CCDC88C: variants seen among roughly 807,000 people sequenced by gnomAD.
The protein encoded by CCDC88C is coiled-coil and HOOK domain protein 88C, also known as protein Daple.
CCDC88C carries 131 observed loss-of-function variants against 198.8 expected under a neutral mutation model. The observed-to-expected ratio is 0.66, with a 90% confidence interval of 0.57 to 0.76. CCDC88C has a LOEUF of 0.76. Among genes scored for constraint, CCDC88C ranks in the 30% least tolerant of loss-of-function variants. The probability of loss-of-function intolerance (pLI) is 0.00; values close to 1 mark genes in which losing one functional copy is unlikely to be tolerated. For synonymous variants in CCDC88C, 1,166 were observed against 1,114.7 expected (o/e 1.05, Z -0.92); for missense variants, 2,553 against 2,631.6 (o/e 0.97, Z 0.65).
intron 23 of CCDC88C, among the ~76,000 whole-genome samples, chr14:91,293,134 C>T (rs112369443): frequency 9.3e-3 from 53 of 5,702 alleles, no homozygotes; most frequent in Admixed American, 0.017. Context: ...TTGCCACAGC[C>T]CACCTTCCCA....
chr14:91,361,052 G>T (rs927643503), intron 3 of CCDC88C, among the ~76,000 whole-genome samples: 1 of 151,190 alleles, frequency 6.6e-6, no homozygotes, highest in Admixed American at 6.6e-5. Flanking sequence ...GATTGCTTGA[G>T]CCCAGGAGTT....
At chr14:91,340,652 G>A (rs1179647327) in intron 6 of CCDC88C, among the ~76,000 whole-genome samples, 1 of 152,002 alleles carries the variant, frequency 6.6e-6, no homozygotes, top group Non-Finnish European at 1.5e-5. Context: ...GATCCATTTC[G>A]AGCTCTTCTC....
chr14:91,379,360 G>A (rs1884644911), intron 3 of CCDC88C: 1 of 154,812 alleles, frequency 6.5e-6, no homozygotes, highest in Non-Finnish European at 1.4e-5. Flanking sequence ...GAGAGGCAGA[G>A]GATGAGGTTG....
At chr14:91,290,851 G>A (rs992923459) in intron 24 of CCDC88C, 144 bp downstream of exon 24, 2 of 611,788 alleles carry the variant, frequency 3.3e-6, no homozygotes, top group Non-Finnish European at 5.9e-6. Context: ...AGGCTGGAAG[G>A]ATTCTGAACT....
chr14:91,313,902 C>G lies in CCDC88C; in HGVS notation c.1914G>C (p.Gln638His). 6.2e-7 allele frequency: 1 copy of G among 1,611,402 alleles called. No homozygotes were observed. Among genetic ancestry groups the G allele is most frequent in the Non-Finnish European group, 8.5e-7 (1 of 1,179,686 alleles). Residue 638 changes from glutamine (Q) to histidine (H), a missense_variant, in exon 15 of 30, where the codon CAG becomes CAC. By Grantham distance (24) the Gln-to-His change is conservative. Around this residue, in one of 2 missense-constraint regions of CCDC88C, gnomAD observed 1,260 missense variants for 1,412.0 expected, o/e 0.89. Coordinates refer to ENST00000389857, the MANE Select transcript of CCDC88C (RefSeq NM_001080414.4). The surrounding 1 kb of genome is among the most constrained non-coding windows in gnomAD (Gnocchi z 5.2). ...ERAEKLERELQRLQEENGRLA... is the reference protein window; with the variant it reads ...ERAEKLERELHRLQEENGRLA... ...GCCTCCCGTTCTCCTCCTGGAGTCG[C>G]TGTAGCTCCCTCTCCAGCTTCTCTG... is the stretch of plus-strand genomic sequence containing the variant.
At position 91,278,097 on chromosome 14, in the gene CCDC88C, A is replaced by AG; in HGVS notation, c.4882dup (p.Leu1628ProfsTer41). Reference sequence around the variant, plus strand: ...AGGCAAGGGGTACTCGTGGCGGCCGAGGGCGTTGCGTCCCGGTGTGCTGGC... The same window carrying AG: ...AGGCAAGGGGTACTCGTGGCGGCCGAGGGGCGTTGCGTCCCGGTGTGCTGGC... On this transcript the variant is annotated frameshift_variant, in exon 29 of 30. Transcript: ENST00000389857. LOFTEE classifies it high-confidence loss of function. The AG allele has an allele frequency of 6.2e-7, 1 of 1,612,690 alleles. No individual in the cohort carries two copies. The highest frequency in any genetic ancestry group is 8.5e-7 in the Non-Finnish European group (1 of 1,179,496).
intron 12 of CCDC88C, among the ~76,000 whole-genome samples, chr14:91,324,550 G>A (rs1039017654): frequency 6.6e-6 from 1 of 152,212 alleles, no homozygotes; most frequent in African/African-American, 2.4e-5. Flanking sequence ...TCGGAAAACT[G>A]GCAACACTTA....
chr14:91,365,440 T>C (rs1037771564), intron 3 of CCDC88C, among the ~76,000 whole-genome samples: 1 of 152,206 alleles, frequency 6.6e-6, no homozygotes. Flanking sequence ...ATGAAGCTCA[T>C]TTTCTGTTTT....
At chr14:91,362,530 T>C (rs746231119) in intron 3 of CCDC88C, among the ~76,000 whole-genome samples, 12 of 152,244 alleles carry the variant, frequency 7.9e-5, no homozygotes, top group Non-Finnish European at 1.2e-4. Flanking sequence ...GCTAGAAATA[T>C]TGCTAGAAAA....
intron 6 of CCDC88C, 65 bp from the exon 7 acceptor site, chr14:91,340,089 G>T: frequency 3.8e-6 from 6 of 1,569,266 alleles, no homozygotes; most frequent in Non-Finnish European, 5.2e-6. Context: ...CCCTCACACT[G>T]CAAACAGCAT....
In CCDC88C at chr14:91,402,295, C is replaced by A. The variant is rs562523434; in HGVS notation, c.270+6364G>T. ...TCTCAAACAGCAACAACAACAACAA[C>A]AAAAAAACACAAATTAAAAGACTTT... On this transcript the variant is annotated intron_variant, in intron 3 of 29. Transcript: ENST00000389857. Among the ~76,000 whole-genome samples the A allele has an allele frequency of 5.1e-3, 783 of 152,040 alleles. 1 individual carries two copies. The highest frequency in any genetic ancestry group is 8.1e-3 in the Non-Finnish European group (551 of 67,958).
chr14:91,411,369 T>C (rs996215659), intron 2 of CCDC88C, among the ~76,000 whole-genome samples: 1 of 152,132 alleles, frequency 6.6e-6, no homozygotes, highest in Non-Finnish European at 1.5e-5. Context: ...GCCTTCAAAG[T>C]CTATATGGTT....
intron 10 of CCDC88C, among the ~76,000 whole-genome samples, chr14:91,329,103 C>T (rs754248257): frequency 1.1e-4 from 16 of 152,212 alleles, no homozygotes; most frequent in Non-Finnish European, 2.1e-4. Context: ...ACATCACCCC[C>T]GCTCTGAACC....
intron 3 of CCDC88C, among the ~76,000 whole-genome samples, chr14:91,377,798 T>C (rs1246821599): frequency 6.6e-6 from 1 of 152,220 alleles, no homozygotes. Context: ...GACCAGTCTC[T>C]GTCTGGTTGC....
Position 91,273,749 on chromosome 14 carries a change from G to T in CCDC88C, c.5059-96C>A. The stretch of plus-strand genomic sequence containing the variant: ...CGGGACGCCCCCGAGCAGCCCACGT[G>T]GCTGGGACCGCAGTTCCTGCCTGCC... On this transcript the variant is annotated intron_variant, in intron 29 of 29. Coordinates refer to ENST00000389857, the MANE Select transcript of CCDC88C (RefSeq NM_001080414.4). This position sits in a 1 kb window ranked among gnomAD's most constrained non-coding sequence, Gnocchi z 5.6. 2 of 1,085,224 alleles carry T rather than the reference G, an allele frequency of 1.8e-6. No homozygotes were observed. The highest frequency in any genetic ancestry group is 2.5e-6 in the Non-Finnish European group (2 of 809,702). 67.2% of individuals were successfully genotyped at this position (1,085,224 alleles called of 1,614,324 possible). A position where few individuals can be genotyped will look rare whatever the true frequency, so the allele number is the denominator to read the frequency against.
chr14:91,313,704 T>C lies in CCDC88C; in HGVS notation c.2112A>G (p.Ala704=), dbSNP rs759483624. 1.1e-5 allele frequency: 17 copies of C among 1,610,838 alleles called. No individual in the cohort carries two copies. Among genetic ancestry groups the C allele is most frequent in the Non-Finnish European group, 1.4e-5 (16 of 1,179,854 alleles). The change falls in exon 15 of 30, where the codon GCA becomes GCG. Residue 704 remains alanine, a synonymous_variant. Transcript: ENST00000389857. This position sits in a 1 kb window ranked among gnomAD's most constrained non-coding sequence, Gnocchi z 5.2. ...GLERDNKQLD[A]ENLELRRLVE... ...CCAGCCTGCGCAGCTCCAGGTTCTC[T>C]GCGTCCAGCTGCTTGTTGTCACGCT...
At chr14:91,293,203 CCCTCACCT>C in intron 23 of CCDC88C, among the ~76,000 whole-genome samples, 1 of 137,766 alleles carries the variant, frequency 7.3e-6, no homozygotes, top group East Asian at 2.2e-4. Context: ...CCTTCCTGTC[CCCTCACCT>C]GCCACGGCCC....
At chr14:91,411,920 G>A (rs1315273466) in intron 2 of CCDC88C, among the ~76,000 whole-genome samples, 1 of 147,710 alleles carries the variant, frequency 6.8e-6, no homozygotes, top group African/African-American at 2.5e-5. Flanking sequence ...CAGAGATCAA[G>A]CCACTACACT....
At chr14:91,285,685 G>T in intron 25 of CCDC88C, 1 of 1,288,866 alleles carries the variant, frequency 7.8e-7, no homozygotes, top group Non-Finnish European at 1.0e-6. Flanking sequence ...AATCTCCAAT[G>T]TCGGAGAAAG....
Sources: gnomAD v4.1 joint callset for allele counts (sites outside exome capture counted in the v4.1 genomes callset) on GRCh38, gnomAD v4.1.1 for gene constraint, gnomAD v4.1.1 regional missense constraint, Gnocchi (gnomAD v3.1) non-coding constraint, MANE v1.5 for transcripts, NCBI Gene and HGNC (gene_info 2026-07-23, HGNC 2026-07-21) for gene names.